Variants in CASK observed in about 807,000 individuals in gnomAD.
CASK encodes calcium/calmodulin dependent serine protein kinase, also known as peripheral plasma membrane protein CASK.
A neutral mutation model predicts 82.9 loss-of-function variants in CASK; 4 were observed. The ratio of observed to expected loss-of-function variants is 0.05; its 90% CI spans 0.02 to 0.11. The LOEUF (loss-of-function observed/expected upper bound fraction) is 0.11, where lower values mean the gene tolerates loss of function less well. Ranked by LOEUF, CASK falls within the 10% of genes least tolerant of loss-of-function variation. The probability of loss-of-function intolerance (pLI) is 1.00; values close to 1 mark genes in which losing one functional copy is unlikely to be tolerated. For missense variants in CASK, 358 were observed against 720.9 expected, an observed-to-expected ratio of 0.50 and a Z score of 5.76; for synonymous variants, 259 against 253.5, an observed-to-expected ratio of 1.02 and a Z score of -0.20.
chrX:41,776,147 T>A (rs1297363661), intron 3 of CASK, among the ~76,000 whole-genome samples: 1 of 112,612 alleles, frequency 8.9e-6, no homozygotes, highest in East Asian at 2.8e-4. Context: ...CTGTATATAA[T>A]TGTATGTGTT....
At chrX:41,548,170 G>A (rs1226326506) in intron 21 of CASK, among the ~76,000 whole-genome samples, 1 of 111,600 alleles carries the variant, frequency 9.0e-6, no homozygotes, top group African/African-American at 3.3e-5. Context: ...TGCATCTATT[G>A]ATATGACTAT....
chrX:41,614,762 G>A (rs940039980), intron 11 of CASK, among the ~76,000 whole-genome samples: 1 of 111,709 alleles, frequency 9.0e-6, no homozygotes, highest in African/African-American at 3.3e-5. Context: ...CTCGTGATCT[G>A]CCCGCCTTGG....
intron 12 of CASK, among the ~76,000 whole-genome samples, chrX:41,606,499 C>T (rs756059495): frequency 2.7e-5 from 3 of 111,696 alleles, no homozygotes; most frequent in East Asian, 5.6e-4. Context: ...GTAATCCGCC[C>T]GCCTTGGCCT....
intron 4 of CASK, chrX:41,743,611 C>T (rs2068632660): frequency 3.4e-6 from 1 of 295,494 alleles, no homozygotes. Flanking sequence ...ATCCCTGAGA[C>T]TAGGTCCCTT....
At chrX:41,632,194 A>C (rs2066480234) in intron 9 of CASK, among the ~76,000 whole-genome samples, 1 of 112,265 alleles carries the variant, frequency 8.9e-6, no homozygotes. Flanking sequence ...GCTGAAGCCC[A>C]CAACGACTGC....
At chrX:41,904,553 C>T in intron 1 of CASK, among the ~76,000 whole-genome samples, 1 of 112,216 alleles carries the variant, frequency 8.9e-6, no homozygotes, top group South Asian at 3.7e-4. Context: ...CTTGTTCATA[C>T]ATTGGATGAC....
Position 41,923,091 on chromosome X carries a change from G to C in CASK, c.-103C>G. 2 of 719,498 alleles carry C rather than the reference G, an allele frequency of 2.8e-6. No individual in the cohort carries two copies. The highest frequency in any genetic ancestry group is 4.3e-6 in the Non-Finnish European group (2 of 468,379). The allele number at this position is 719,498 out of a possible 1,213,427, so 59.3% of individuals were successfully genotyped here. On this transcript the variant is annotated 5_prime_UTR_variant, in exon 1 of 27. Coordinates refer to ENST00000378163, the MANE Select transcript of CASK (RefSeq NM_001367721.1). ...CCCCGGGATCGCCTCCTCCCCTCAG[G>C]ACCCGCGAGCCCTCGGTGCCGAGGA...
intron 1 of CASK, among the ~76,000 whole-genome samples, chrX:41,886,966 T>C (rs1261807074): frequency 9.0e-6 from 1 of 111,105 alleles, no homozygotes; most frequent in African/African-American, 3.3e-5. Flanking sequence ...ATGGCCACCA[T>C]CTGGGCTGAT....
At chrX:41,887,913 T>G (rs2072077933) in intron 1 of CASK, among the ~76,000 whole-genome samples, 1 of 111,604 alleles carries the variant, frequency 9.0e-6, no homozygotes, top group African/African-American at 3.3e-5. Context: ...ATAGTCATAC[T>G]CTTCTGAGAA....
chrX:41,591,658 G>A (rs2065746515), intron 12 of CASK, among the ~76,000 whole-genome samples: 1 of 110,369 alleles, frequency 9.1e-6, no homozygotes, highest in Admixed American at 9.7e-5. Context: ...TGTATTTTAA[G>A]TAGAGACGGG....
intron 12 of CASK, among the ~76,000 whole-genome samples, chrX:41,606,695 C>CTT (rs1381115981): frequency 2.0e-5 from 2 of 101,609 alleles, no homozygotes; most frequent in Non-Finnish European, 2.0e-5. Context: ...GATACTGCAC[C>CTT]TTTTTTTTTT....
intron 11 of CASK, among the ~76,000 whole-genome samples, chrX:41,619,952 A>G (rs1296196706): frequency 8.9e-6 from 1 of 112,471 alleles, no homozygotes; most frequent in African/African-American, 3.2e-5. Flanking sequence ...AGTGGCCAGC[A>G]TTAGTACACT....
intron 5 of CASK, among the ~76,000 whole-genome samples, chrX:41,700,580 T>C (rs1395860758): frequency 1.6e-4 from 1 of 6,166 alleles, no homozygotes; most frequent in Admixed American, 2.0e-3. Flanking sequence ...CGTATATGAC[T>C]TTTTTTTTTT....
At chrX:41,598,852 A>G (rs2065859661) in intron 12 of CASK, among the ~76,000 whole-genome samples, 1 of 112,227 alleles carries the variant, frequency 8.9e-6, no homozygotes, top group African/African-American at 3.2e-5. Flanking sequence ...ATTGCTAAAA[A>G]TCAATTTATT....
chrX:41,617,251 G>C (rs2066217124), intron 11 of CASK, among the ~76,000 whole-genome samples: 1 of 111,866 alleles, frequency 8.9e-6, no homozygotes, highest in Admixed American at 9.5e-5. Context: ...AATTCCAACA[G>C]GTCTATTAAA....
chrX:41,727,429 G>A (rs768924306), intron 5 of CASK: 2 of 1,211,034 alleles, frequency 1.7e-6, no homozygotes, highest in Non-Finnish European at 2.2e-6. Context: ...TTCATGCTAT[G>A]AGAAAATATT....
intron 5 of CASK, chrX:41,675,810 T>C: frequency 8.3e-7 from 1 of 1,201,316 alleles, no homozygotes; most frequent in Non-Finnish European, 1.1e-6. Context: ...GTATCTGATG[T>C]CCACAATGTC....
At chrX:41,648,020 C>T (rs950589228) in intron 8 of CASK, among the ~76,000 whole-genome samples, 2 of 112,422 alleles carry the variant, frequency 1.8e-5, no homozygotes, top group African/African-American at 6.5e-5. Context: ...TAACCTTAAA[C>T]TCTGACTGCT....
intron 5 of CASK, chrX:41,675,884 T>C: frequency 2.5e-6 from 3 of 1,204,864 alleles, no homozygotes; most frequent in Non-Finnish European, 2.2e-6. Context: ...AATTAATGTA[T>C]CAAGTTCAGC....
Sources: gnomAD v4.1 joint callset for allele counts (sites outside exome capture counted in the v4.1 genomes callset) on GRCh38, gnomAD v4.1.1 for gene constraint, MANE v1.5 for transcripts, NCBI Gene and HGNC (gene_info 2026-07-23, HGNC 2026-07-21) for gene names.